SYNCRIP: variants seen among roughly 807,000 people sequenced by gnomAD.
SYNCRIP encodes the protein heterogeneous nuclear ribonucleoprotein Q.
In SYNCRIP, 9 loss-of-function variants were observed where a neutral mutation model predicts 68.9. That is an observed-to-expected ratio of 0.13 (90% confidence interval 0.08 to 0.23). The LOEUF is 0.23. Ranked by LOEUF, SYNCRIP falls within the 10% of genes least tolerant of loss-of-function variation. The probability of loss-of-function intolerance (pLI) is 1.00; values close to 1 mark genes in which losing one functional copy is unlikely to be tolerated. For synonymous variants in SYNCRIP, 258 were observed against 254.0 expected, an observed-to-expected ratio of 1.02 and a Z score of -0.15; for missense variants, 414 against 770.6, an observed-to-expected ratio of 0.54 and a Z score of 5.48.
At chr6:85,627,699 A>C (rs772127387) in intron 6 of SYNCRIP, among the ~76,000 whole-genome samples, 35 of 152,164 alleles carry the variant, frequency 2.3e-4, no homozygotes, top group Non-Finnish European at 2.9e-4. Context: ...CACACACACA[A>C]AAAGTCTTAT....
chr6:85,643,511 A>G (rs1809454249), upstream of SYNCRIP, among the ~76,000 whole-genome samples: 1 of 147,432 alleles, frequency 6.8e-6, no homozygotes, highest in Non-Finnish European at 1.5e-5. Flanking sequence ...TCCCCTCCCG[A>G]CACTCCCCCT....
At chr6:85,634,974 G>A (rs1341781248) in intron 6 of SYNCRIP, among the ~76,000 whole-genome samples, 3 of 152,020 alleles carry the variant, frequency 2.0e-5, no homozygotes, top group Non-Finnish European at 2.9e-5. Flanking sequence ...GTTCAAGACC[G>A]GCCTGGCCAA....
chr6:85,638,698 TG>T (rs1280357277), intron 4 of SYNCRIP, among the ~76,000 whole-genome samples: 2 of 152,240 alleles, frequency 1.3e-5, no homozygotes, highest in African/African-American at 2.4e-5. Context: ...TTCATAAACT[TG>T]CTCACATCTA....
At chr6:85,641,511 T>C (rs1428728894) in intron 1 of SYNCRIP, 60 bp from the exon 2 acceptor site, 29 of 1,514,792 alleles carry the variant, frequency 1.9e-5, no homozygotes, top group East Asian at 4.5e-5. Flanking sequence ...CAAGACAATA[T>C]GAGAGCCCCA....
At chr6:85,632,324 G>T (rs1310912239) in intron 6 of SYNCRIP, among the ~76,000 whole-genome samples, 1 of 152,252 alleles carries the variant, frequency 6.6e-6, no homozygotes, top group South Asian at 2.1e-4. Context: ...GAGGCATGAG[G>T]CACTTTCCCA....
chr6:85,635,348 G>A (rs1253526219), intron 6 of SYNCRIP, among the ~76,000 whole-genome samples: 1 of 152,144 alleles, frequency 6.6e-6, no homozygotes, highest in Non-Finnish European at 1.5e-5. Flanking sequence ...GACATGATTT[G>A]AAAATATCTA....
chr6:85,624,115 G>A lies in SYNCRIP; in HGVS notation c.667-3C>T, dbSNP rs200588875. On this transcript the variant is annotated splice_polypyrimidine_tract_variant and splice_region_variant and intron_variant, in intron 6 of 10. Coordinates refer to ENST00000369622, the MANE Select transcript of SYNCRIP (RefSeq NM_006372.5). Reference sequence around the variant, plus strand: ...GAACGAATTTCATGATTATTATACTGAAAGGGGAAAAAGTGCATCATGTTT... The same window carrying A: ...GAACGAATTTCATGATTATTATACTAAAAGGGGAAAAAGTGCATCATGTTT... The A allele has an allele frequency of 1.7e-4, 280 of 1,610,286 alleles. No homozygotes were observed. In the East Asian group the frequency reaches 5.9e-3, roughly 34 times the overall value.
At chr6:85,635,504 A>G (rs1293279880) in intron 6 of SYNCRIP, among the ~76,000 whole-genome samples, 1 of 152,048 alleles carries the variant, frequency 6.6e-6, no homozygotes, top group African/African-American at 2.4e-5. Context: ...GTGCAGTGGC[A>G]CACGTCTGCA....
intron 6 of SYNCRIP, among the ~76,000 whole-genome samples, chr6:85,635,960 A>G (rs949636907): frequency 6.6e-6 from 1 of 152,108 alleles, no homozygotes; most frequent in Admixed American, 6.5e-5. Flanking sequence ...AAGCCAGATA[A>G]AGCAAATTTA....
intron 6 of SYNCRIP, among the ~76,000 whole-genome samples, chr6:85,631,114 G>T (rs751879147): frequency 1.3e-5 from 2 of 152,126 alleles, no homozygotes; most frequent in African/African-American, 4.8e-5. Flanking sequence ...AGGCTGAGGC[G>T]GGCAAATCAC....
At chr6:85,637,748 C>T (rs1195928545) in intron 4 of SYNCRIP, among the ~76,000 whole-genome samples, 5 of 152,166 alleles carry the variant, frequency 3.3e-5, no homozygotes, top group African/African-American at 1.2e-4. Flanking sequence ...CCAATAAATT[C>T]CCTATAAACC....
chr6:85,640,132 T>C, intron 4 of SYNCRIP, 89 bp downstream of exon 4: 10 of 846,208 alleles, frequency 1.2e-5, no homozygotes, highest in East Asian at 2.4e-5. Context: ...ACATCTAACA[T>C]ACATCCATTT....
chr6:85,635,345 T>G (rs187846538), intron 6 of SYNCRIP, among the ~76,000 whole-genome samples: 2 of 152,308 alleles, frequency 1.3e-5, no homozygotes, highest in East Asian at 3.9e-4. Context: ...TCAGACATGA[T>G]TTGAAAATAT....
chr6:85,626,412 T>A (rs1262980400), intron 6 of SYNCRIP, among the ~76,000 whole-genome samples: 1 of 151,448 alleles, frequency 6.6e-6, no homozygotes, highest in Admixed American at 6.6e-5. Flanking sequence ...ATACCAAGTG[T>A]GTAAAGGCAA....
rs1413997478 is a variant in SYNCRIP, at chr6:85,622,644, C to T, written c.846G>A (p.Lys282=). 4 of 1,614,024 alleles carry T rather than the reference C, an allele frequency of 2.5e-6. No individual in the cohort carries two copies. Among genetic ancestry groups the T allele is most frequent in the Non-Finnish European group, 3.4e-6 (4 of 1,179,982 alleles). The part of the protein sequence containing the change: ...DVILYHQPDD[K]KKNRGFCFLE... Reference sequence around the variant, plus strand: ...GAAAGCAAAAGCCTCTGTTTTTTTTCTTGTCATCCGGTTGGTGGTATAAAA... The same window carrying T: ...GAAAGCAAAAGCCTCTGTTTTTTTTTTTGTCATCCGGTTGGTGGTATAAAA... The change falls in exon 8 of 11, where the codon AAG becomes AAA. Residue 282 remains lysine (K), a synonymous_variant. Coordinates refer to ENST00000369622, the MANE Select transcript of SYNCRIP (RefSeq NM_006372.5).
At chr6:85,610,729 C>A (rs1307257760), downstream of SYNCRIP, 1 of 152,024 alleles carries the variant, frequency 6.6e-6, no homozygotes, top group Non-Finnish European at 1.5e-5. Context: ...CTCCTCGGAA[C>A]TGAGAAATGC....
downstream of SYNCRIP, chr6:85,607,860 GCTT>G (rs1201124335): frequency 2.6e-5 from 4 of 152,024 alleles, no homozygotes; most frequent in South Asian, 2.1e-4. Flanking sequence ...AATGATGAAA[GCTT>G]CTTTTCGATA....
At position 85,615,367 on chromosome 6, in the gene SYNCRIP, G is replaced by A; in HGVS notation, c.1281-20C>T. The A allele has an allele frequency of 1.4e-6, 2 of 1,428,402 alleles. No homozygotes were observed. The highest frequency in any genetic ancestry group is 1.9e-6 in the Non-Finnish European group (2 of 1,075,710). The allele number at this position is 1,428,402 out of a possible 1,614,324, so 88.5% of individuals were successfully genotyped here. A position where few individuals can be genotyped will look rare whatever the true frequency, so the allele number is the denominator to read the frequency against. The stretch of plus-strand genomic sequence containing the variant: ...TCATACCTATTAAAAAAGAGACAGA[G>A]ATTAGAGTTTAAATCAAATTACTTA... On this transcript the variant is annotated intron_variant, in intron 10 of 10. Coordinates refer to ENST00000369622, the MANE Select transcript of SYNCRIP (RefSeq NM_006372.5).
intron 6 of SYNCRIP, among the ~76,000 whole-genome samples, chr6:85,633,603 TA>T (rs1808086600): frequency 6.6e-6 from 1 of 152,026 alleles, no homozygotes; most frequent in Non-Finnish European, 1.5e-5. Context: ...AAAAACTTAC[TA>T]AAAAGTCAAA....
Sources: gnomAD v4.1 joint callset for allele counts (sites outside exome capture counted in the v4.1 genomes callset) on GRCh38, gnomAD v4.1.1 for gene constraint, MANE v1.5 for transcripts, NCBI Gene and HGNC (gene_info 2026-07-23, HGNC 2026-07-21) for gene names.